MYO1E: variants seen among roughly 807,000 people sequenced by gnomAD.
The protein encoded by MYO1E is unconventional myosin-Ie.
MYO1E carries 68 observed loss-of-function variants against 151.1 expected under a neutral mutation model. The observed-to-expected ratio is 0.45, with a 90% confidence interval of 0.37 to 0.55. The LOEUF (loss-of-function observed/expected upper bound fraction) is 0.55. Ranked by LOEUF, MYO1E falls within the 20% of genes least tolerant of loss-of-function variation. MYO1E has a pLI of 0.00. For synonymous variants in MYO1E, 601 were observed against 501.7 expected, an observed-to-expected ratio of 1.20 and a Z score of -2.64; for missense variants, 1,363 against 1,389.3, an observed-to-expected ratio of 0.98 and a Z score of 0.30.
intron 1 of MYO1E, among the ~76,000 whole-genome samples, chr15:59,365,606 T>C (rs1292226772): frequency 1.1e-4 from 16 of 152,204 alleles, no homozygotes; most frequent in African/African-American, 3.6e-4. Context: ...AGTTAACAAA[T>C]GGATTTAGGA....
At chr15:59,194,925 G>C (rs2079756641) in intron 17 of MYO1E, among the ~76,000 whole-genome samples, 1 of 152,208 alleles carries the variant, frequency 6.6e-6, no homozygotes, top group Non-Finnish European at 1.5e-5. Flanking sequence ...ATTTCCCTTT[G>C]ACATCTTTCC....
chr15:59,194,441 A>G (rs12591296), intron 17 of MYO1E, among the ~76,000 whole-genome samples: 138,022 of 152,256 alleles, frequency 0.91, 62,606 homozygotes, highest in East Asian at 0.96. Flanking sequence ...TTAGGATCTT[A>G]CTGGCAGGAA....
At chr15:59,343,855 T>C (rs1567020375) in intron 1 of MYO1E, among the ~76,000 whole-genome samples, 2 of 152,184 alleles carry the variant, frequency 1.3e-5, no homozygotes, top group African/African-American at 4.8e-5. Flanking sequence ...TTCTGCCTGA[T>C]TCTCTTAACT....
chr15:59,307,411 G>A (rs1480967245), intron 1 of MYO1E, among the ~76,000 whole-genome samples: 1 of 152,162 alleles, frequency 6.6e-6, no homozygotes, highest in African/African-American at 2.4e-5. Flanking sequence ...CTGGGCAGCT[G>A]GGGCTGGCCA....
Position 59,223,077 on chromosome 15 carries a change from C to A in MYO1E, c.892G>T (p.Ala298Ser), listed in dbSNP as rs762333964. The change falls in exon 9 of 28, where the codon GCT becomes TCT. Residue 298 changes from alanine (A) to serine (S), a missense_variant. Physicochemically the swap from Ala to Ser is moderately conservative, Grantham distance 99. Transcript: ENST00000288235. The part of the protein sequence containing the change: ...ISFKEVGNYA[A>S]VESEEFLAFP... ...TACGCACACTCTTCACTCTCCACAG[C>A]CGCGTAGTTGCCAACTTCTTTGAAG... 5 of 1,614,142 alleles carry A rather than the reference C, an allele frequency of 3.1e-6. No individual in the cohort carries two copies. The Admixed American group carries it at 8.3e-5, about 27-fold the overall frequency.
Position 59,178,385 on chromosome 15 carries a change from G to T in MYO1E, c.2049+8C>A, listed in dbSNP as rs774617133. 6.2e-7 allele frequency: 1 copy of T among 1,614,114 alleles called. No homozygotes were observed. The highest frequency in any genetic ancestry group is 8.5e-7 in the Non-Finnish European group (1 of 1,179,950). On this transcript the variant is annotated splice_region_variant and intron_variant, in intron 19 of 27. Transcript: ENST00000288235. ...GGGAAGAGAGTGGAGAGCCAGCCAA[G>T]CACTCACAGACTCGGGGGCTTTGAT... is the stretch of plus-strand genomic sequence containing the variant.
chr15:59,336,272 A>G (rs2080727720), intron 1 of MYO1E, among the ~76,000 whole-genome samples: 1 of 151,776 alleles, frequency 6.6e-6, no homozygotes, highest in South Asian at 2.1e-4. Context: ...TCAGAGGCTG[A>G]GGCAGGAGAA....
intron 1 of MYO1E, chr15:59,359,901 G>T (rs2140440103): frequency 6.6e-6 from 1 of 152,184 alleles, no homozygotes; most frequent in East Asian, 1.9e-4. Context: ...ATTTGCTTTG[G>T]TTCTCTGAGT....
chr15:59,163,257 T>C lies in MYO1E; in HGVS notation c.2527A>G (p.Ser843Gly). 1 of 1,613,868 alleles carries C rather than the reference T, an allele frequency of 6.2e-7. No homozygotes were observed. The change falls in exon 23 of 28, where the codon AGT becomes GGT. Residue 843 changes from serine (S) to glycine (G), a missense_variant. By Grantham distance (56) the Ser-to-Gly change is moderately conservative. Coordinates refer to ENST00000288235, the MANE Select transcript of MYO1E (RefSeq NM_004998.4). ...GTTTTGAAGACAGATTCAAGCAAAC[T>C]GTCATACTCTTGCTCATGGAGAATA... ...IFILHEQEYD[S>G]LLESVFKTEF... is the part of the protein sequence containing the mutation.
In MYO1E at chr15:59,242,970, T is replaced by C. The variant is rs186535889; in HGVS notation, c.333-6298A>G. Among the ~76,000 whole-genome samples the C allele has an allele frequency of 1.0e-3, 159 of 151,574 alleles. 2 individuals are homozygous for C. Among genetic ancestry groups the C allele is most frequent in the Non-Finnish European group, 3.2e-4 (22 of 67,830 alleles). ...GAACAAGATAGAAAAGTCAGAGAGG[T>C]ACACAGAGAAGCAGGAAGATGCATG... On this transcript the variant is annotated intron_variant, in intron 4 of 27. Coordinates refer to ENST00000288235, the MANE Select transcript of MYO1E (RefSeq NM_004998.4).
At chr15:59,305,015 C>CA (rs1437706960) in intron 1 of MYO1E, among the ~76,000 whole-genome samples, 1 of 152,224 alleles carries the variant, frequency 6.6e-6, no homozygotes, top group Non-Finnish European at 1.5e-5. Flanking sequence ...AGGAAGACAA[C>CA]ATGGCCGAGC....
At chr15:59,370,143 T>C (rs562646736) in intron 1 of MYO1E, among the ~76,000 whole-genome samples, 7 of 152,316 alleles carry the variant, frequency 4.6e-5, no homozygotes, top group Non-Finnish European at 1.0e-4. Flanking sequence ...TTAGCCTCCA[T>C]GCTAATCTTC....
chr15:59,296,506 C>T (rs904223730), intron 1 of MYO1E, among the ~76,000 whole-genome samples: 1 of 152,166 alleles, frequency 6.6e-6, no homozygotes, highest in African/African-American at 2.4e-5. Context: ...AGCATGAAGG[C>T]CTAGGGAGAA....
intron 26 of MYO1E, among the ~76,000 whole-genome samples, chr15:59,141,363 T>G (rs1181247158): frequency 6.6e-6 from 1 of 152,220 alleles, no homozygotes; most frequent in Non-Finnish European, 1.5e-5. Context: ...GTGTAACAAT[T>G]GCATATAACC....
chr15:59,310,448 G>C lies in MYO1E; in HGVS notation c.4-37999C>G, dbSNP rs149574599. ...TAACTCACGTCCTTAAAGAAGAGAAGAGACACAGAAACAGACACAGGGAGA... is the reference window on the plus strand; with the variant it reads ...TAACTCACGTCCTTAAAGAAGAGAACAGACACAGAAACAGACACAGGGAGA... On this transcript the variant is annotated intron_variant, in intron 1 of 27. Coordinates refer to ENST00000288235, the MANE Select transcript of MYO1E (RefSeq NM_004998.4). 1.1e-4 allele frequency among the ~76,000 whole-genome samples: 17 copies of C among 152,294 alleles called. No homozygotes were observed. The Middle Eastern group carries it at 0.01, about 91-fold the overall frequency.
intron 7 of MYO1E, 112 bp downstream of exon 7, chr15:59,227,347 C>G: frequency 1.6e-6 from 2 of 1,288,386 alleles, no homozygotes; most frequent in Admixed American, 3.6e-5. Flanking sequence ...TACATGGTAT[C>G]ATCATCAGTC....
At chr15:59,168,448 A>T (rs571712370) in intron 22 of MYO1E, among the ~76,000 whole-genome samples, 24 of 152,050 alleles carry the variant, frequency 1.6e-4, no homozygotes, top group Non-Finnish European at 2.9e-4. Flanking sequence ...TAGGGGGCTG[A>T]GGTGGGAGGA....
intron 14 of MYO1E, chr15:59,207,117 G>A (rs2140337440): frequency 1.2e-6 from 2 of 1,614,216 alleles, no homozygotes; most frequent in Non-Finnish European, 1.7e-6. Context: ...AGCTTATTGA[G>A]CGTTTCACTT....
intron 1 of MYO1E, among the ~76,000 whole-genome samples, chr15:59,347,321 TCCCAAA>T: frequency 6.6e-6 from 1 of 152,286 alleles, no homozygotes; most frequent in Admixed American, 6.5e-5. Flanking sequence ...AACAGTTTTC[TCCCAAA>T]ACCATCCCCA....
Sources: allele counts gnomAD v4.1 joint callset (sites outside exome capture counted in the v4.1 genomes callset), GRCh38; gene constraint gnomAD v4.1.1; transcripts MANE v1.5; gene names NCBI Gene and HGNC (gene_info 2026-07-23, HGNC 2026-07-21).